The following SLC16A12 variants were observed in gnomAD, a reference collection of about 807,000 sequenced individuals.
The protein encoded by SLC16A12 is monocarboxylate transporter 12.
In SLC16A12, 17 loss-of-function variants were observed where a neutral mutation model predicts 42.4. That is an observed-to-expected ratio of 0.40 (90% CI 0.27 to 0.60). The LOEUF (loss-of-function observed/expected upper bound fraction) is 0.60. Among genes scored for constraint, SLC16A12 ranks in the 20% least tolerant of loss-of-function variants. The pLI, the probability that SLC16A12 is intolerant of heterozygous loss-of-function variation, is 0.42. For synonymous variants in SLC16A12, 224 were observed against 229.4 expected, an observed-to-expected ratio of 0.98 and a Z score of 0.21; for missense variants, 544 against 623.0, an observed-to-expected ratio of 0.87 and a Z score of 1.35.
At chr10:89,519,608 A>C (rs1323000492) in intron 2 of SLC16A12, among the ~76,000 whole-genome samples, 1 of 151,956 alleles carries the variant, frequency 6.6e-6, no homozygotes, top group Non-Finnish European at 1.5e-5. Flanking sequence ...ATGAATTCAG[A>C]TGCACAAGTT....
chr10:89,506,081 C>T (rs915597221), intron 2 of SLC16A12, among the ~76,000 whole-genome samples: 2 of 152,200 alleles, frequency 1.3e-5, no homozygotes, highest in African/African-American at 4.8e-5. Flanking sequence ...CACTCAGGGA[C>T]TTATAGATAA....
At chr10:89,472,994 T>G (rs566016752) in intron 2 of SLC16A12, among the ~76,000 whole-genome samples, 1 of 151,410 alleles carries the variant, frequency 6.6e-6, no homozygotes, top group South Asian at 2.1e-4. Flanking sequence ...ATTTTTGTAT[T>G]TTTTTGTAGA....
intron 2 of SLC16A12, among the ~76,000 whole-genome samples, chr10:89,552,965 C>T (rs745581398): frequency 6.4e-4 from 97 of 152,302 alleles, no homozygotes; most frequent in Admixed American, 2.0e-3. Flanking sequence ...GAAGCCCCAG[C>T]TGAATTCTCT....
Position 89,438,920 on chromosome 10 carries a change from G to A in SLC16A12, c.712C>T (p.Gln238Ter). Reference protein sequence around the residue: ...TLKEDHTTPEQNHVCRTQKED... With the variant: ...TLKEDHTTPE ...TTCTGAGTTCTACACACATGGTTCT[G>A]CTCTGGAGTTGTGTGGTCCTCTTTA... Residue 238 changes from glutamine to a stop codon, truncating the protein, a stop_gained, in exon 6 of 8, where the codon CAG becomes TAG. Transcript: ENST00000371790. LOFTEE classifies it high-confidence loss of function. 6.2e-7 allele frequency: 1 copy of A among 1,614,072 alleles called. No homozygotes were observed. Among genetic ancestry groups the A allele is most frequent in the East Asian group, 2.2e-5 (1 of 44,904 alleles).
At chr10:89,454,079 G>A (rs1842139682) in intron 3 of SLC16A12, among the ~76,000 whole-genome samples, 1 of 151,742 alleles carries the variant, frequency 6.6e-6, no homozygotes, top group African/African-American at 2.4e-5. Flanking sequence ...CAGTGTGTGT[G>A]CAGTGGTGTG....
In SLC16A12 at chr10:89,438,940, T is replaced by C. The variant is rs1343794787; in HGVS notation, c.692A>G (p.Glu231Gly). 5 of 1,614,076 alleles carry C rather than the reference T, an allele frequency of 3.1e-6. No homozygotes were observed. In the African/African-American group the frequency reaches 5.3e-5, roughly 17 times the overall value. The change falls in exon 6 of 8, where the codon GAG (glutamate) becomes GGG (glycine). Residue 231 changes from glutamate (E) to glycine (G), a missense_variant. Transcript: ENST00000371790. ...GTTCTGCTCTGGAGTTGTGTGGTCC[T>C]CTTTAAGAGTAATTGGCCTCATCAA... ...GALMRPITLKEDHTTPEQNHV... is the reference protein window; with the variant it reads ...GALMRPITLKGDHTTPEQNHV...
intron 2 of SLC16A12, among the ~76,000 whole-genome samples, chr10:89,533,231 G>T (rs981084506): frequency 6.6e-6 from 1 of 150,920 alleles, no homozygotes; most frequent in Admixed American, 6.6e-5. Flanking sequence ...AGATAGTTTG[G>T]ATCACTTATG....
rs116846102 is a variant in SLC16A12, at chr10:89,552,526, G to A, written c.-47+3356C>T. Among the ~76,000 whole-genome samples, 12 of 152,304 alleles carry A rather than the reference G, an allele frequency of 7.9e-5. No homozygotes were observed. The East Asian group carries it at 1.5e-3, about 20-fold the overall frequency. On this transcript the variant is annotated intron_variant, in intron 2 of 2. Coordinates refer to the SLC16A12 transcript ENST00000475682. ...CATTTCTCCATGAATTGAGGTGGACGTGTGAGAGGGGGAAACGTATGGTAC... is the reference window on the plus strand; with the variant it reads ...CATTTCTCCATGAATTGAGGTGGACATGTGAGAGGGGGAAACGTATGGTAC...
intron 2 of SLC16A12, among the ~76,000 whole-genome samples, chr10:89,550,626 A>C (rs1488974670): frequency 6.6e-6 from 1 of 152,174 alleles, no homozygotes; most frequent in Admixed American, 6.5e-5. Flanking sequence ...AACTCCTCTG[A>C]CCATGGCCCA....
At chr10:89,504,396 T>C (rs1334568915) in intron 2 of SLC16A12, among the ~76,000 whole-genome samples, 3 of 152,182 alleles carry the variant, frequency 2.0e-5, no homozygotes, top group Non-Finnish European at 4.4e-5. Flanking sequence ...ACAAACATAC[T>C]TTCCAACCCA....
chr10:89,438,139 T>C (rs73363547), intron 6 of SLC16A12, among the ~76,000 whole-genome samples: 1,574 of 125,036 alleles, frequency 0.013, 24 homozygotes, highest in African/African-American at 0.043. Flanking sequence ...ACCCTAGGCT[T>C]CTGCAATTTA....
intron 2 of SLC16A12, 80 bp from the exon 3 acceptor site, chr10:89,462,704 T>C: frequency 7.1e-7 from 1 of 1,405,168 alleles, no homozygotes; most frequent in Non-Finnish European, 9.4e-7. Flanking sequence ...TAAGACATGA[T>C]TATTACTTTC....
chr10:89,501,669 C>G (rs995176985), intron 2 of SLC16A12, among the ~76,000 whole-genome samples: 2 of 152,036 alleles, frequency 1.3e-5, no homozygotes, highest in African/African-American at 4.8e-5. Flanking sequence ...GAGAATCACT[C>G]GAACCCAGGA....
intron 5 of SLC16A12, among the ~76,000 whole-genome samples, chr10:89,440,504 T>C (rs1451753190): frequency 6.6e-6 from 1 of 152,228 alleles, no homozygotes; most frequent in African/African-American, 2.4e-5. Flanking sequence ...CCACACCCCT[T>C]TGAGTGATAG....
intron 2 of SLC16A12, among the ~76,000 whole-genome samples, chr10:89,504,749 T>C (rs1843034719): frequency 1.3e-5 from 2 of 151,930 alleles, no homozygotes; most frequent in South Asian, 4.2e-4. Context: ...AAAACCAAGA[T>C]GGGGGAGGAA....
chr10:89,475,043 T>C lies in SLC16A12; in HGVS notation c.-46-12419A>G, dbSNP rs996390612. On this transcript the variant is annotated intron_variant, in intron 2 of 7. Coordinates refer to ENST00000371790, the MANE Select transcript of SLC16A12 (RefSeq NM_213606.4). ...CCTGACATGTGTTTGCTAAATGTTG[T>C]TGCTAAATGTAAGCCTCTTGTGGAT... Among the ~76,000 whole-genome samples the C allele has an allele frequency of 5.9e-5, 9 of 152,332 alleles. No homozygotes were observed. In the East Asian group the frequency reaches 1.3e-3, roughly 23 times the overall value.
chr10:89,441,723 A>G (rs1038273562), intron 4 of SLC16A12, among the ~76,000 whole-genome samples: 2 of 152,148 alleles, frequency 1.3e-5, no homozygotes, highest in Admixed American at 6.5e-5. Context: ...AAATTCCACA[A>G]TCTGGCCCAG....
intron 2 of SLC16A12, among the ~76,000 whole-genome samples, chr10:89,478,741 C>G (rs773571377): frequency 6.6e-6 from 1 of 152,146 alleles, no homozygotes; most frequent in Non-Finnish European, 1.5e-5. Context: ...CTCAAATTTC[C>G]AATAGTCTGC....
At chr10:89,526,253 T>C (rs1433132905) in intron 2 of SLC16A12, among the ~76,000 whole-genome samples, 1 of 152,098 alleles carries the variant, frequency 6.6e-6, no homozygotes, top group Non-Finnish European at 1.5e-5. Flanking sequence ...AAATGCACAT[T>C]TGGTTAACGT....
Sources: allele counts gnomAD v4.1 joint callset (sites outside exome capture counted in the v4.1 genomes callset), GRCh38; gene constraint gnomAD v4.1.1; transcripts MANE v1.5; gene names NCBI Gene and HGNC (gene_info 2026-07-23, HGNC 2026-07-21).